GCNA: variants seen among roughly 807,000 people sequenced by gnomAD.
GCNA encodes germ cell nuclear acidic protein.
In GCNA, 3 loss-of-function variants were observed where a neutral mutation model predicts 38.8. That is an observed-to-expected ratio of 0.08 (90% CI 0.04 to 0.20). The LOEUF (loss-of-function observed/expected upper bound fraction) is 0.20. Ranked by LOEUF, GCNA falls within the 10% of genes least tolerant of loss-of-function variation. GCNA has a pLI of 1.00. For synonymous variants in GCNA, 195 were observed against 240.2 expected (o/e 0.81, Z 1.74); for missense variants, 446 against 578.6 (o/e 0.77, Z 2.35).
At chrX:71,603,555 T>C in intron 7 of GCNA, 33 bp from the exon 8 acceptor site, 1 of 1,187,415 alleles carries the variant, frequency 8.4e-7, no homozygotes, top group Non-Finnish European at 1.1e-6. Flanking sequence ...AGAGGGAGTA[T>C]ATTTACATAT....
In GCNA at chrX:71,612,793, A is replaced by G. The variant is rs2040822671; in HGVS notation, c.1956-69A>G. 2.6e-6 allele frequency: 3 copies of G among 1,172,529 alleles called. No individual in the cohort carries two copies. In the South Asian group the frequency reaches 5.6e-5, roughly 22 times the overall value. ...AAGTATTGCTTTGGGCCCAAGGCTA[A>G]CATCTCAGAGCTGATGCTGAGGTGC... On this transcript the variant is annotated intron_variant, in intron 12 of 12. Coordinates refer to ENST00000373696, the MANE Select transcript of GCNA (RefSeq NM_052957.5).
intron 7 of GCNA, among the ~76,000 whole-genome samples, chrX:71,602,513 C>A (rs1458572390): frequency 8.9e-6 from 1 of 112,188 alleles, no homozygotes; most frequent in African/African-American, 3.2e-5. Flanking sequence ...ATTTGCATTT[C>A]TCTGATGATC....
At position 71,603,913 on chromosome X, in the gene GCNA, G is replaced by A. The variant is rs1602181132; in HGVS notation, c.636G>A (p.Ser212=). The change falls in exon 8 of 13, where the codon TCG becomes TCA. Residue 212 remains serine (S), a synonymous_variant. Coordinates refer to ENST00000373696, the MANE Select transcript of GCNA (RefSeq NM_052957.5). ...DDSSDDNSDD[S]DVPDDKSDDS... is the part of the protein sequence containing the mutation. ...CATCCGACGACAACAGTGATGATTC[G>A]GATGTTCCCGACGACAAGAGTGATG... 4 of 1,206,039 alleles carry A rather than the reference G, an allele frequency of 3.3e-6. No individual in the cohort carries two copies. The Admixed American group carries it at 8.8e-5, about 27-fold the overall frequency.
intron 9 of GCNA, 86 bp downstream of exon 9, chrX:71,605,815 G>T (rs1481686115): frequency 1.2e-6 from 1 of 805,746 alleles, no homozygotes; most frequent in Non-Finnish European, 1.8e-6. Flanking sequence ...GGTGGGGGTG[G>T]TCTGCAAGGG....
chrX:71,594,216 T>G, intron 4 of GCNA, 115 bp from the exon 5 acceptor site: 1 of 627,982 alleles, frequency 1.6e-6, no homozygotes, highest in Non-Finnish European at 2.5e-6. Flanking sequence ...AAAACCTTTT[T>G]GCATTTCAGG....
chrX:71,598,995 C>A (rs1233853119), intron 7 of GCNA, among the ~76,000 whole-genome samples: 1 of 109,738 alleles, frequency 9.1e-6, no homozygotes, highest in Non-Finnish European at 1.9e-5. Context: ...CGCCCGCCAC[C>A]ATGCCCAGCT....
chrX:71,611,074 C>T (rs1349564576), intron 11 of GCNA, among the ~76,000 whole-genome samples: 2 of 112,380 alleles, frequency 1.8e-5, no homozygotes, highest in Non-Finnish European at 3.8e-5. Flanking sequence ...TCTTCATTCT[C>T]TCAGGAGCTG....
In GCNA at chrX:71,598,015, A is replaced by C. The variant is rs2040684758; in HGVS notation, c.287A>C (p.Lys96Thr). 1 of 1,208,639 alleles carries C rather than the reference A, an allele frequency of 8.3e-7. No homozygotes were observed. Among genetic ancestry groups the C allele is most frequent in the East Asian group, 3.0e-5 (1 of 33,843 alleles). The change falls in exon 7 of 13, where the codon AAG (lysine) becomes ACG (threonine). Residue 96 changes from lysine to threonine, a missense_variant. By Grantham distance (78) the Lys-to-Thr change is moderately conservative. Transcript: ENST00000373696. ...ECHTHEEKKA[K>T]LLEINSDDES... ...CACACCCATGAAGAGAAGAAAGCTA[A>C]GTTATTGGAAATAAACAGCGACGGC... is the stretch of plus-strand genomic sequence containing the variant.
chrX:71,610,918 A>G (rs1334797387), intron 11 of GCNA, 99 bp downstream of exon 11: 13 of 1,106,902 alleles, frequency 1.2e-5, no homozygotes, highest in Admixed American at 2.5e-5. Context: ...CACAGCTCGA[A>G]CTGTCATTCT....
At chrX:71,605,007 T>C (rs780701783) in intron 8 of GCNA, among the ~76,000 whole-genome samples, 1 of 112,151 alleles carries the variant, frequency 8.9e-6, no homozygotes, top group Admixed American at 9.4e-5. Context: ...GGCTCCTGTC[T>C]CCTGGGTTAC....
chrX:71,599,077 GA>G (rs2040694100), intron 7 of GCNA, among the ~76,000 whole-genome samples: 2 of 106,824 alleles, frequency 1.9e-5, no homozygotes, highest in African/African-American at 6.8e-5. Flanking sequence ...GGCTGGTCTT[GA>G]ACTCCTGGCC....
intron 9 of GCNA, among the ~76,000 whole-genome samples, chrX:71,608,689 G>T (rs767519185): frequency 1.6e-4 from 18 of 112,591 alleles, no homozygotes; most frequent in Non-Finnish European, 2.2e-4. Flanking sequence ...AGTTTGCACT[G>T]GGCAATTGTA....
In GCNA at chrX:71,612,955, T is replaced by C. The variant is rs1383369994; in HGVS notation, c.2049T>C (p.Asp683=). The C allele has an allele frequency of 2.5e-6, 3 of 1,211,858 alleles. No homozygotes were observed. Among genetic ancestry groups the C allele is most frequent in the Admixed American group, 4.3e-5 (2 of 46,008 alleles). Residue 683 remains aspartate, a synonymous_variant, in exon 13 of 13, where the codon GAT becomes GAC. Transcript: ENST00000373696. Reference sequence around the variant, plus strand: ...TCATGGTGCCATTAACTCAGAAAGATGGGACCCGTATTGTGCCCCACGTGT... The same window carrying C: ...TCATGGTGCCATTAACTCAGAAAGACGGGACCCGTATTGTGCCCCACGTGT... ...SLVMVPLTQK[D]GTRIVPHV
chrX:71,587,132 G>C (rs2040591032), intron 2 of GCNA, among the ~76,000 whole-genome samples: 1 of 111,115 alleles, frequency 9.0e-6, no homozygotes, highest in African/African-American at 3.3e-5. Flanking sequence ...AAGTACAAGG[G>C]AGGGATTGGT....
Position 71,604,198 on chromosome X carries a change from C to T in GCNA, c.921C>T (p.Asp307=). ...DSSDDSEAPD[D]KSDDSDVPED... is the part of the protein sequence containing the mutation. ...GTGATGATTCGGAAGCTCCCGACGA[C>T]AAGAGTGATGATTCGGATGTTCCCG... Residue 307 remains aspartate, a synonymous_variant, in exon 8 of 13, where the codon GAC becomes GAT. Transcript: ENST00000373696. 1 of 1,212,434 alleles carries T rather than the reference C, an allele frequency of 8.2e-7. No individual in the cohort carries two copies. Among genetic ancestry groups the T allele is most frequent in the Non-Finnish European group, 1.1e-6 (1 of 895,635 alleles).
chrX:71,598,595 TG>T (rs1461348680), intron 7 of GCNA, among the ~76,000 whole-genome samples: 1 of 110,980 alleles, frequency 9.0e-6, no homozygotes, highest in Non-Finnish European at 1.9e-5. Context: ...CTGTTTCCCG[TG>T]GCAGTTCCTT....
At chrX:71,579,628 G>T (rs1186955824) in intron 1 of GCNA, among the ~76,000 whole-genome samples, 1 of 106,542 alleles carries the variant, frequency 9.4e-6, no homozygotes, top group Non-Finnish European at 1.9e-5. Flanking sequence ...GTGTGTGTGT[G>T]GGGGTTGAGG....
chrX:71,590,637 G>A (rs2040620394), intron 2 of GCNA, among the ~76,000 whole-genome samples: 2 of 111,428 alleles, frequency 1.8e-5, no homozygotes, highest in Non-Finnish European at 3.8e-5. Flanking sequence ...AGGCAGCACA[G>A]TATCAGCCTC....
Position 71,612,422 on chromosome X carries a change from T to C in GCNA, c.1818T>C (p.His606=), listed in dbSNP as rs1404660008. The part of the protein sequence containing the change: ...HAASWLIDGI[H]DSHGDAWKYY... ...CCTCCTGGCTGATTGATGGTATCCA[T>C]GATTCTCATGGTGACGCATGGAAGT... The change falls in exon 12 of 13, where the codon CAT becomes CAC. Residue 606 remains histidine, a synonymous_variant. Coordinates refer to ENST00000373696, the MANE Select transcript of GCNA (RefSeq NM_052957.5). 2 of 1,205,129 alleles carry C rather than the reference T, an allele frequency of 1.7e-6. No individual in the cohort carries two copies. Among genetic ancestry groups the C allele is most frequent in the Middle Eastern group, 2.3e-4 (1 of 4,355 alleles).
Sources: gnomAD v4.1 joint callset for allele counts (sites outside exome capture counted in the v4.1 genomes callset) on GRCh38, gnomAD v4.1.1 for gene constraint, MANE v1.5 for transcripts, NCBI Gene and HGNC (gene_info 2026-07-23, HGNC 2026-07-21) for gene names.